KCNQ1: variants seen among roughly 807,000 people sequenced by gnomAD.
The protein encoded by KCNQ1 is potassium voltage-gated channel subfamily KQT member 1.
A neutral mutation model predicts 72.4 loss-of-function variants in KCNQ1; 49 were observed. The ratio of observed to expected loss-of-function variants is 0.68; its 90% confidence interval spans 0.54 to 0.86. The LOEUF is 0.86. Among genes scored for constraint, KCNQ1 ranks in the 40% least tolerant of loss-of-function variants. The pLI is 0.00. For synonymous variants in KCNQ1, 450 were observed against 412.6 expected, an observed-to-expected ratio of 1.09 and a Z score of -1.10; for missense variants, 790 against 945.1, an observed-to-expected ratio of 0.84 and a Z score of 2.15.
rs537068742 is a variant in KCNQ1 at position 2,734,545 on chromosome 11, C to T, written c.1515-34299C>T. Among the ~76,000 whole-genome samples, 4 of 151,898 alleles carry T rather than the reference C, an allele frequency of 2.6e-5. No homozygotes were observed. The East Asian group carries it at 5.9e-4, about 22-fold the overall frequency. On this transcript the variant is annotated intron_variant, in intron 11 of 15. Transcript: ENST00000155840. This position sits in a 1 kb window ranked among gnomAD's most constrained non-coding sequence, Gnocchi z 7.0. ...TTGGCTGAGAGCCAGATGTGGGGAG[C>T]GGGGCTGTCGAGGCTGATCTCAGGA...
At chr11:2,844,697 G>A (rs764056073) in intron 15 of KCNQ1, among the ~76,000 whole-genome samples, 1 of 152,216 alleles carries the variant, frequency 6.6e-6, no homozygotes, top group Non-Finnish European at 1.5e-5. Context: ...GACACCCACT[G>A]TCTCTTTCTG....
In KCNQ1 at chr11:2,654,198, T is replaced by C; in HGVS notation, c.1394-7763T>C. The stretch of plus-strand genomic sequence containing the variant: ...AGGCTGTGGGGCTGCGGCTCAGCAA[T>C]GTCACGCAGGGCCTGGCTGCAGCTG... On this transcript the variant is annotated intron_variant, in intron 10 of 15. Coordinates refer to ENST00000155840, the MANE Select transcript of KCNQ1 (RefSeq NM_000218.3). The surrounding 1 kb of genome is among the most constrained non-coding windows in gnomAD (Gnocchi z 6.4). The C allele has an allele frequency of 2.5e-6, 1 of 398,656 alleles. No individual in the cohort carries two copies. Among genetic ancestry groups the C allele is most frequent in the Non-Finnish European group, 4.4e-6 (1 of 226,200 alleles). 24.7% of individuals were successfully genotyped at this position (398,656 alleles called of 1,614,324 possible).
Position 2,657,643 on chromosome 11 carries a change from T to G in KCNQ1, c.1394-4318T>G. The G allele has an allele frequency of 5.0e-6, 2 of 398,592 alleles. No homozygotes were observed. Among genetic ancestry groups the G allele is most frequent in the Non-Finnish European group, 8.8e-6 (2 of 226,062 alleles). The allele number at this position is 398,592 out of a possible 1,614,324, so 24.7% of individuals were successfully genotyped here. On this transcript the variant is annotated intron_variant, in intron 10 of 15. Transcript: ENST00000155840. The surrounding 1 kb of genome is among the most constrained non-coding windows in gnomAD (Gnocchi z 4.8). ...ACACTATTAAGCTAGAGTTATAAAT[T>G]TATTTGGATTTCCCCAGTTTAACTA... is the stretch of plus-strand genomic sequence containing the variant.
intron 6 of KCNQ1, among the ~76,000 whole-genome samples, chr11:2,583,120 G>A (rs1848528409): frequency 6.6e-6 from 1 of 152,166 alleles, no homozygotes; most frequent in Admixed American, 6.5e-5. Context: ...GGGACAGGCA[G>A]GCAGATGAGG....
At chr11:2,667,716 C>T (rs1224007354) in intron 11 of KCNQ1, 6 of 398,584 alleles carry the variant, frequency 1.5e-5, no homozygotes, top group African/African-American at 2.1e-5. Context: ...GTCTGGAAGC[C>T]GTGTCCCCTT....
intron 10 of KCNQ1, chr11:2,631,458 A>C (rs1201779763): frequency 5.0e-6 from 2 of 397,734 alleles, no homozygotes; most frequent in Non-Finnish European, 8.9e-6. Flanking sequence ...TTCTTTATTG[A>C]ATGTCTCCTT....
In KCNQ1 at chr11:2,608,567, C is replaced by T. The variant is rs1848920163; in HGVS notation, c.1393+19713C>T. On this transcript the variant is annotated intron_variant, in intron 10 of 15. Coordinates refer to ENST00000155840, the MANE Select transcript of KCNQ1 (RefSeq NM_000218.3). The surrounding 1 kb of genome is among the most constrained non-coding windows in gnomAD (Gnocchi z 4.6). ...CATAGCTCACTGTAACCTCGATCTC[C>T]TAGTCTCAAGTGATCCTTGCCCCTT... The T allele has an allele frequency of 2.5e-6, 1 of 398,448 alleles. No individual in the cohort carries two copies. Among genetic ancestry groups the T allele is most frequent in the Non-Finnish European group, 4.4e-6 (1 of 226,060 alleles). The allele number at this position is 398,448 out of a possible 1,614,324, so 24.7% of individuals were successfully genotyped here. A position where few individuals can be genotyped will look rare whatever the true frequency, so the allele number is the denominator to read the frequency against.
At chr11:2,833,103 C>G (rs777801206) in intron 15 of KCNQ1, among the ~76,000 whole-genome samples, 1 of 152,144 alleles carries the variant, frequency 6.6e-6, no homozygotes, top group Non-Finnish European at 1.5e-5. Flanking sequence ...CATGGTTATC[C>G]CACAGCTAGG....
rs1846933253 is a variant in KCNQ1 at position 2,496,957 on chromosome 11, G to GA, written c.387-30967dup. On this transcript the variant is annotated intron_variant, in intron 1 of 15. Coordinates refer to ENST00000155840, the MANE Select transcript of KCNQ1 (RefSeq NM_000218.3). ...TTTGGCTGGATATGAAATTCTGCTT[G>GA]AAAATTCTTTTCTTTATGAATGTTG... is the stretch of plus-strand genomic sequence containing the variant. Among the ~76,000 whole-genome samples, 4 of 152,260 alleles carry GA rather than the reference G, an allele frequency of 2.6e-5. No individual in the cohort carries two copies. In the South Asian group the frequency reaches 8.3e-4, roughly 32 times the overall value.
chr11:2,699,693 G>A (rs1424254747), intron 11 of KCNQ1: 1 of 350,810 alleles, frequency 2.9e-6, no homozygotes, highest in African/African-American at 2.2e-5. Flanking sequence ...AGCCCCGGGT[G>A]CCCCGAGGAG....
In KCNQ1 at chr11:2,523,491, C is replaced by T. The variant is rs575755136; in HGVS notation, c.387-4437C>T. On this transcript the variant is annotated intron_variant, in intron 1 of 15. Coordinates refer to ENST00000155840, the MANE Select transcript of KCNQ1 (RefSeq NM_000218.3). ...CTGGGATTGCAGGTGTGAGCCGCCG[C>T]GCCCGGCCCCACCACTGCTTTCTAT... is the stretch of plus-strand genomic sequence containing the variant. 6.0e-3 allele frequency among the ~76,000 whole-genome samples: 921 copies of T among 152,340 alleles called. 5 individuals carry two copies. Among genetic ancestry groups the T allele is most frequent in the Middle Eastern group, 0.031 (9 of 294 alleles).
Position 2,699,707 on chromosome 11 carries a change from GGCGCCGAGGAGTCCCCGGGGAGAACT to G in KCNQ1, c.1514+37638_1514+37663del, listed in dbSNP as rs1409790286. 322 of 216,072 alleles carry G rather than the reference GGCGCCGAGGAGTCCCCGGGGAGAACT, an allele frequency of 1.5e-3. No individual in the cohort carries two copies. Among genetic ancestry groups the G allele is most frequent in the Non-Finnish European group, 1.4e-3 (191 of 137,272 alleles). 13.4% of individuals were successfully genotyped at this position (216,072 alleles called of 1,614,324 possible). On this transcript the variant is annotated intron_variant, in intron 11 of 15. Coordinates refer to ENST00000155840, the MANE Select transcript of KCNQ1 (RefSeq NM_000218.3). ...AAGCCCCGGGTGCCCCGAGGAGAACGGCGCCGAGGAGTCCCCGGGGAGAACTGCGCCGAGGAGCCCCCAGAAGAGCG... is the reference window on the plus strand; with the variant it reads ...AAGCCCCGGGTGCCCCGAGGAGAACGGCGCCGAGGAGCCCCCAGAAGAGCG...
Position 2,711,920 on chromosome 11 carries a change from T to C in KCNQ1, c.1514+49839T>C, listed in dbSNP as rs1851014638. On this transcript the variant is annotated intron_variant, in intron 11 of 15. Transcript: ENST00000155840. This position sits in a 1 kb window ranked among gnomAD's most constrained non-coding sequence, Gnocchi z 5.4. ...TGAGGCATGGCAGGTGGCAGGTGGC[T>C]GGGGCTGCTCACCTGCTCACCTGTG... 6.6e-6 allele frequency among the ~76,000 whole-genome samples: 1 copy of C among 152,116 alleles called. No individual in the cohort carries two copies. Among genetic ancestry groups the C allele is most frequent in the African/African-American group, 2.4e-5 (1 of 41,436 alleles).
At position 2,562,568 on chromosome 11, in the gene KCNQ1, A is replaced by AG. The variant is rs1159913573; in HGVS notation, c.478-8055dup. Among the ~76,000 whole-genome samples, 3 of 151,972 alleles carry AG rather than the reference A, an allele frequency of 2.0e-5. No homozygotes were observed. Among genetic ancestry groups the AG allele is most frequent in the African/African-American group, 7.2e-5 (3 of 41,390 alleles). On this transcript the variant is annotated intron_variant, in intron 2 of 15. Coordinates refer to ENST00000155840, the MANE Select transcript of KCNQ1 (RefSeq NM_000218.3). This position sits in a 1 kb window ranked among gnomAD's most constrained non-coding sequence, Gnocchi z 7.5. ...AGCCCTCTGGCTTCCTCGCTATGGGAGGGGGTGAGACCCTAATCCCGGGTC... is the reference window on the plus strand; with the variant it reads ...AGCCCTCTGGCTTCCTCGCTATGGGAGGGGGGTGAGACCCTAATCCCGGGTC...
At position 2,627,631 on chromosome 11, in the gene KCNQ1, C is replaced by T. The variant is rs1849282360; in HGVS notation, c.1394-34330C>T. The T allele has an allele frequency of 5.0e-6, 2 of 398,256 alleles. No individual in the cohort carries two copies. The highest frequency in any genetic ancestry group is 3.6e-5 in the East Asian group (1 of 28,062). The allele number at this position is 398,256 out of a possible 1,614,324, so 24.7% of individuals were successfully genotyped here. ...TATGTTGTCATAAATTGCATGATTT[C>T]CTGCTTTTTAAAGGATGAATATTTC... On this transcript the variant is annotated intron_variant, in intron 10 of 15. Transcript: ENST00000155840. The surrounding 1 kb of genome is among the most constrained non-coding windows in gnomAD (Gnocchi z 4.9).
At position 2,815,426 on chromosome 11, in the gene KCNQ1, T is replaced by C. The variant is rs2134046683; in HGVS notation, c.1795-32341T>C. Among the ~76,000 whole-genome samples the C allele has an allele frequency of 6.6e-6, 1 of 152,176 alleles. No individual in the cohort carries two copies. Among genetic ancestry groups the C allele is most frequent in the Non-Finnish European group, 1.5e-5 (1 of 67,978 alleles). On this transcript the variant is annotated intron_variant, in intron 15 of 15. Transcript: ENST00000155840. The surrounding 1 kb of genome is among the most constrained non-coding windows in gnomAD (Gnocchi z 5.4). ...TGAGGCCCACAGGGTAGTTCTGAGT[T>C]CGGGGGACCCTCTCCTGGCCCTGTG...
At chr11:2,622,001 C>T (rs1033434392) in intron 10 of KCNQ1, 2 of 398,244 alleles carry the variant, frequency 5.0e-6, no homozygotes, top group East Asian at 7.1e-5. Flanking sequence ...GTAGGCAAGG[C>T]ATTTATTGCT....
intron 1 of KCNQ1, among the ~76,000 whole-genome samples, chr11:2,470,828 C>T (rs1846439610): frequency 6.6e-6 from 1 of 152,148 alleles, no homozygotes; most frequent in Admixed American, 6.5e-5. Context: ...TTTTAGAGAG[C>T]AAACGTTTTG....
chr11:2,469,527 T>G (rs1846408891), intron 1 of KCNQ1, among the ~76,000 whole-genome samples: 1 of 152,146 alleles, frequency 6.6e-6, no homozygotes, highest in African/African-American at 2.4e-5. Flanking sequence ...TGCCTCGGCC[T>G]CCCAAAGTGC....
Sources: allele counts gnomAD v4.1 joint callset (sites outside exome capture counted in the v4.1 genomes callset), GRCh38; gene constraint gnomAD v4.1.1; non-coding constraint Gnocchi (gnomAD v3.1); transcripts MANE v1.5; gene names NCBI Gene and HGNC (gene_info 2026-07-23, HGNC 2026-07-21).